P4HA3: variants seen among roughly 807,000 people sequenced by gnomAD.
The protein encoded by P4HA3 is prolyl 4-hydroxylase subunit alpha-3.
A neutral mutation model predicts 66.7 loss-of-function variants in P4HA3; 60 were observed. That is an observed-to-expected ratio of 0.90 (90% confidence interval 0.73 to 1.12). The LOEUF is 1.12. P4HA3 is among the 50% of genes most tolerant of loss of function. The pLI is 0.00. For synonymous variants in P4HA3, 263 were observed against 274.6 expected (o/e 0.96, Z 0.42); for missense variants, 683 against 685.8 (o/e 1.00, Z 0.05).
Position 74,298,350 on chromosome 11 carries a change from G to A in P4HA3, c.579C>T (p.Asp193=), listed in dbSNP as rs1170394181. ...GAATGGCATGGTAATAATCCCCCAT[G>A]TCATAGGCCACCTACACAGAACACA... ...DCFQVGKVAY[D]MGDYYHAIPW... Residue 193 remains aspartate (D), a synonymous_variant, in exon 4 of 13, where the codon GAC becomes GAT. Transcript: ENST00000331597. The A allele has an allele frequency of 3.1e-6, 5 of 1,613,648 alleles. No homozygotes were observed. Among genetic ancestry groups the A allele is most frequent in the Non-Finnish European group, 2.5e-6 (3 of 1,179,892 alleles).
chr11:74,251,068 T>C (rs1488188241), intron 15 of P4HA3: 1 of 1,554,564 alleles, frequency 6.4e-7, no homozygotes, highest in Non-Finnish European at 8.7e-7. Flanking sequence ...AGAATAACCC[T>C]GGATGTCACA....
chr11:74,250,795 G>T, intron 15 of P4HA3: 1 of 620,716 alleles, frequency 1.6e-6, no homozygotes, highest in East Asian at 2.8e-5. Flanking sequence ...ACAATTACTT[G>T]TATTACCATC....
Position 74,253,561 on chromosome 11 carries a change from G to A in P4HA3, c.*1319-5560C>T, listed in dbSNP as rs981942124. On this transcript the variant is annotated intron_variant and NMD_transcript_variant, in intron 15 of 15. Transcript: ENST00000524388. ...CATCGAGCTCTGTTGTAAATACGTC[G>A]CACCAGAGGCCACTGTGATGCCACT... 2.8e-5 allele frequency: 43 copies of A among 1,553,480 alleles called. No homozygotes were observed. The African/African-American group carries it at 3.8e-4, about 14-fold the overall frequency.
In P4HA3 at chr11:74,304,369, G is replaced by A. The variant is rs911623429; in HGVS notation, c.244C>T (p.Pro82Ser). ...VLSLHEDSTT[P>S]VANPLLAFTL... The stretch of plus-strand genomic sequence containing the variant: ...AATGCAAGCAGAGGGTTAGCCACAG[G>A]GGTTGTTGAATCCTCATGCAAAGAA... The change falls in exon 2 of 13, where the codon CCT becomes TCT. Residue 82 changes from proline (P) to serine (S), a missense_variant. By Grantham distance (74) the Pro-to-Ser change is moderately conservative (BLOSUM62 -1). Coordinates refer to ENST00000331597, the MANE Select transcript of P4HA3 (RefSeq NM_182904.5). 1 of 1,614,056 alleles carries A rather than the reference G, an allele frequency of 6.2e-7. No individual in the cohort carries two copies. Among genetic ancestry groups the A allele is most frequent in the Non-Finnish European group, 8.5e-7 (1 of 1,179,954 alleles).
chr11:74,299,900 G>T (rs1861352275), intron 3 of P4HA3, among the ~76,000 whole-genome samples: 1 of 152,136 alleles, frequency 6.6e-6, no homozygotes, highest in Admixed American at 6.5e-5. Context: ...ACACCCTCAT[G>T]AAACTGGATT....
chr11:74,275,597 C>T (rs1860367420), intron 9 of P4HA3, among the ~76,000 whole-genome samples: 1 of 152,154 alleles, frequency 6.6e-6, no homozygotes, highest in Non-Finnish European at 1.5e-5. Flanking sequence ...GTTTTGAGAT[C>T]AGATAGTGTA....
At chr11:74,251,339 C>T (rs1859654630) in intron 15 of P4HA3, 4 of 1,357,584 alleles carry the variant, frequency 2.9e-6, no homozygotes, top group Non-Finnish European at 3.8e-6. Flanking sequence ...GCTCCCTAAA[C>T]CACAGGCACA....
At position 74,267,282 on chromosome 11, in the gene P4HA3, A is replaced by C; in HGVS notation, c.1601T>G (p.Phe534Cys). ...NKWIHEYGQEFRRPCSSSPED is the reference protein window; with the variant it reads ...NKWIHEYGQECRRPCSSSPED Reference sequence around the variant, plus strand: ...AGGGCTGGAGCTGCAGGGTCTGCGGAATTCCTGTCCATACTCATGTATCCA... The same window carrying C: ...AGGGCTGGAGCTGCAGGGTCTGCGGCATTCCTGTCCATACTCATGTATCCA... The change falls in exon 13 of 13, where the codon TTC becomes TGC. Residue 534 changes from phenylalanine (F) to cysteine (C), a missense_variant. Phe to Cys is a radical substitution (Grantham distance 205, BLOSUM62 -2). Coordinates refer to ENST00000331597, the MANE Select transcript of P4HA3 (RefSeq NM_182904.5). 18 of 1,614,232 alleles carry C rather than the reference A, an allele frequency of 1.1e-5. No individual in the cohort carries two copies. The highest frequency in any genetic ancestry group is 1.5e-5 in the Non-Finnish European group (18 of 1,180,034).
downstream of P4HA3, among the ~76,000 whole-genome samples, chr11:74,262,042 C>A (rs1005435931): frequency 1.3e-5 from 2 of 152,146 alleles, no homozygotes; most frequent in African/African-American, 4.8e-5. Flanking sequence ...AGCAGATGAA[C>A]AGGAGACATG....
intron 7 of P4HA3, among the ~76,000 whole-genome samples, chr11:74,282,477 T>C (rs889516255): frequency 2.0e-5 from 3 of 152,098 alleles, no homozygotes; most frequent in Admixed American, 2.0e-4. Context: ...AGGTGAGAAG[T>C]CAAGGGCAGT....
intron 15 of P4HA3, among the ~76,000 whole-genome samples, chr11:74,257,344 C>G (rs1253398939): frequency 6.6e-6 from 1 of 152,108 alleles, no homozygotes; most frequent in Non-Finnish European, 1.5e-5. Flanking sequence ...AGGCTAGTCT[C>G]AAACTCCTGA....
intron 4 of P4HA3, among the ~76,000 whole-genome samples, chr11:74,297,665 A>T (rs1472074575): frequency 1.3e-5 from 2 of 152,192 alleles, no homozygotes; most frequent in Non-Finnish European, 2.9e-5. Context: ...GAAAAATAAC[A>T]CCTGGAGGAG....
intron 5 of P4HA3, among the ~76,000 whole-genome samples, chr11:74,287,664 A>G (rs971617834): frequency 1.3e-5 from 2 of 152,254 alleles, no homozygotes; most frequent in African/African-American, 4.8e-5. Flanking sequence ...TATACATGCA[A>G]TTATAAAGTC....
intron 5 of P4HA3, chr11:74,287,218 T>G: frequency 7.8e-7 from 1 of 1,288,442 alleles, no homozygotes. Flanking sequence ...CAGAAGGAGA[T>G]GCTGAATTGT....
intron 7 of P4HA3, among the ~76,000 whole-genome samples, chr11:74,281,382 C>T (rs1364322676): frequency 6.6e-6 from 1 of 152,018 alleles, no homozygotes; most frequent in Non-Finnish European, 1.5e-5. Context: ...GGGTATATAC[C>T]CAAAGGACTA....
intron 15 of P4HA3, among the ~76,000 whole-genome samples, chr11:74,258,070 T>C (rs1452318554): frequency 1.3e-5 from 2 of 152,188 alleles, no homozygotes; most frequent in African/African-American, 4.8e-5. Context: ...CTGCAGTCAC[T>C]GTTTTGTTTG....
chr11:74,252,316 G>A (rs1859718408), intron 15 of P4HA3: 1 of 367,022 alleles, frequency 2.7e-6, no homozygotes, highest in East Asian at 7.8e-5. Flanking sequence ...TTGAACTCCT[G>A]GCCTCAAGTG....
At chr11:74,272,282 G>A (rs141931764) in intron 10 of P4HA3, among the ~76,000 whole-genome samples, 13 of 151,984 alleles carry the variant, frequency 8.6e-5, no homozygotes, top group Middle Eastern at 3.4e-3. Flanking sequence ...TTATACCCAC[G>A]CTACCTTCGC....
intron 5 of P4HA3, among the ~76,000 whole-genome samples, chr11:74,288,587 C>T (rs1860883879): frequency 6.6e-6 from 1 of 152,110 alleles, no homozygotes; most frequent in African/African-American, 2.4e-5. Flanking sequence ...AAATTTCCCC[C>T]TGATGCATTG....
Sources: allele counts gnomAD v4.1 joint callset (sites outside exome capture counted in the v4.1 genomes callset), GRCh38; gene constraint gnomAD v4.1.1; transcripts MANE v1.5; gene names NCBI Gene and HGNC (gene_info 2026-07-23, HGNC 2026-07-21).